Variants in GRM7 observed in about 807,000 individuals in gnomAD.
The protein encoded by GRM7 is metabotropic glutamate receptor 7.
A neutral mutation model predicts 84.5 loss-of-function variants in GRM7; 35 were observed. The observed-to-expected ratio is 0.41, with a 90% CI of 0.32 to 0.55. The LOEUF (loss-of-function observed/expected upper bound fraction) is 0.55. Ranked by LOEUF, GRM7 falls within the 20% of genes least tolerant of loss-of-function variation. The pLI is 0.19. For missense variants in GRM7, 1,003 were observed against 1,194.6 expected (o/e 0.84, Z 2.36); for synonymous variants, 487 against 455.1 (o/e 1.07, Z -0.89).
At chr3:7,279,336 A>G (rs987749751) in intron 2 of GRM7, among the ~76,000 whole-genome samples, 2 of 152,206 alleles carry the variant, frequency 1.3e-5, no homozygotes, top group Admixed American at 6.5e-5. Flanking sequence ...CGCTTCATCC[A>G]TAATTCCAAA....
intron 8 of GRM7, among the ~76,000 whole-genome samples, chr3:7,640,285 G>C (rs1698307126): frequency 6.6e-6 from 1 of 152,208 alleles, no homozygotes; most frequent in South Asian, 2.1e-4. Context: ...ATGCCACTGG[G>C]ACAGGTGTTC....
At chr3:7,230,373 A>G (rs1697154414) in intron 2 of GRM7, among the ~76,000 whole-genome samples, 1 of 152,150 alleles carries the variant, frequency 6.6e-6, no homozygotes. Context: ...ACATACTGCT[A>G]GGTTTTCATC....
chr3:7,274,330 C>A (rs151303714), intron 2 of GRM7, among the ~76,000 whole-genome samples: 1 of 152,074 alleles, frequency 6.6e-6, no homozygotes, highest in South Asian at 2.1e-4. Flanking sequence ...TTTACCTTCA[C>A]TTTTAGTCCT....
chr3:6,997,569 T>C (rs1694867611), intron 1 of GRM7, among the ~76,000 whole-genome samples: 1 of 152,168 alleles, frequency 6.6e-6, no homozygotes, highest in African/African-American at 2.4e-5. Context: ...CCCCCATGAT[T>C]CAATTACCTC....
intron 8 of GRM7, among the ~76,000 whole-genome samples, chr3:7,610,466 GT>G (rs1559437822): frequency 7.2e-5 from 11 of 152,148 alleles, no homozygotes; most frequent in Admixed American, 1.3e-4. Flanking sequence ...TTGCTGTGGT[GT>G]CATAAGGTAT....
intron 1 of GRM7, among the ~76,000 whole-genome samples, chr3:7,117,365 C>T (rs1334600908): frequency 6.6e-6 from 1 of 152,200 alleles, no homozygotes; most frequent in African/African-American, 2.4e-5. Flanking sequence ...AGGCCCTTGG[C>T]CTCCACAACA....
In GRM7 at chr3:7,140,570, G is replaced by A. The variant is rs578056535; in HGVS notation, c.520-5882G>A. Among the ~76,000 whole-genome samples the A allele has an allele frequency of 3.9e-5, 6 of 152,080 alleles. No homozygotes were observed. The South Asian group carries it at 6.2e-4, about 16-fold the overall frequency. On this transcript the variant is annotated intron_variant, in intron 1 of 9. Transcript: ENST00000357716. ...CTTTATTTGTAAAAACAGAAATTGTGTTAATGTGCTGTTGTGAGGATTAAA... is the reference window on the plus strand; with the variant it reads ...CTTTATTTGTAAAAACAGAAATTGTATTAATGTGCTGTTGTGAGGATTAAA...
At chr3:7,412,339 A>G (rs984278638) in intron 4 of GRM7, among the ~76,000 whole-genome samples, 2 of 152,168 alleles carry the variant, frequency 1.3e-5, no homozygotes, top group Admixed American at 6.5e-5. Flanking sequence ...AGGAAGCGCC[A>G]TCAATATCTG....
At chr3:7,366,651 G>T (rs904907112) in intron 4 of GRM7, among the ~76,000 whole-genome samples, 1 of 151,784 alleles carries the variant, frequency 6.6e-6, no homozygotes, top group Non-Finnish European at 1.5e-5. Context: ...GGTATTGAAA[G>T]TTCCTACAGT....
chr3:7,710,127 G>A (rs192814688), intron 9 of GRM7, among the ~76,000 whole-genome samples: 1 of 151,778 alleles, frequency 6.6e-6, no homozygotes, highest in Non-Finnish European at 1.5e-5. Context: ...TACTATAAAA[G>A]GTATACTGTT....
rs369903265 is a variant in GRM7 at position 7,631,992 on chromosome 3, AT to A, written c.2452-48054del. On this transcript the variant is annotated intron_variant, in intron 8 of 9. Coordinates refer to ENST00000357716, the MANE Select transcript of GRM7 (RefSeq NM_000844.4). ...GAAATAATCTCTTTAAGAGGATGAT[AT>A]TTAAAAGGAGGCCTAAGGGAAGACA... Among the ~76,000 whole-genome samples the A allele has an allele frequency of 7.4e-4, 112 of 152,334 alleles. 1 individual carries two copies. The highest frequency in any genetic ancestry group is 2.5e-3 in the African/African-American group (103 of 41,582).
At chr3:7,177,100 A>G (rs1476113754) in intron 2 of GRM7, among the ~76,000 whole-genome samples, 1 of 150,942 alleles carries the variant, frequency 6.6e-6, no homozygotes, top group Non-Finnish European at 1.5e-5. Context: ...TCACTTCTAC[A>G]GAATTCTGAT....
At chr3:7,095,925 T>C (rs1281969885) in intron 1 of GRM7, among the ~76,000 whole-genome samples, 5 of 152,184 alleles carry the variant, frequency 3.3e-5, no homozygotes, top group Non-Finnish European at 7.3e-5. Context: ...CACATACATA[T>C]ATAAAATATA....
intron 1 of GRM7, among the ~76,000 whole-genome samples, chr3:6,910,922 G>A (rs998211532): frequency 6.6e-6 from 1 of 152,030 alleles, no homozygotes; most frequent in Non-Finnish European, 1.5e-5. Context: ...AATAAATTAA[G>A]TCATCCACTA....
chr3:7,415,255 C>A, intron 5 of GRM7, 92 bp downstream of exon 5: 3 of 1,086,918 alleles, frequency 2.8e-6, no homozygotes, highest in Non-Finnish European at 2.7e-6. Context: ...TGGCTGGAGA[C>A]AAATTGAAAA....
intron 1 of GRM7, among the ~76,000 whole-genome samples, chr3:6,929,257 C>A (rs1261516754): frequency 6.6e-6 from 1 of 152,124 alleles, no homozygotes; most frequent in African/African-American, 2.4e-5. Context: ...ACAGAGCATC[C>A]ACCCCTGCTC....
At chr3:7,219,590 T>C (rs973212284) in intron 2 of GRM7, among the ~76,000 whole-genome samples, 12 of 152,204 alleles carry the variant, frequency 7.9e-5, no homozygotes, top group Admixed American at 5.9e-4. Flanking sequence ...TTAGGGACAT[T>C]AATATGAGCT....
chr3:6,872,573 A>G (rs1352121159), intron 1 of GRM7, among the ~76,000 whole-genome samples: 2 of 152,038 alleles, frequency 1.3e-5, no homozygotes, highest in African/African-American at 2.4e-5. Context: ...TCAACTCTTC[A>G]TCTACATTAG....
At chr3:7,352,661 G>A (rs1293464899) in intron 4 of GRM7, among the ~76,000 whole-genome samples, 3 of 152,192 alleles carry the variant, frequency 2.0e-5, no homozygotes, top group South Asian at 2.1e-4. Context: ...AAGAGAATAC[G>A]GATGTGTGTG....
Sources: allele counts gnomAD v4.1 joint callset (sites outside exome capture counted in the v4.1 genomes callset), GRCh38; gene constraint gnomAD v4.1.1; transcripts MANE v1.5; gene names NCBI Gene and HGNC (gene_info 2026-07-23, HGNC 2026-07-21).